ERBB4: variants seen among roughly 807,000 people sequenced by gnomAD.
ERBB4 encodes the protein erb-b2 receptor tyrosine kinase 4.
A neutral mutation model predicts 158.0 loss-of-function variants in ERBB4; 42 were observed. That is an observed-to-expected ratio of 0.27 (90% CI 0.21 to 0.34). The LOEUF (loss-of-function observed/expected upper bound fraction) is 0.34. ERBB4 is among the 10% of genes least tolerant of loss of function. The probability of loss-of-function intolerance (pLI) is 1.00; values close to 1 mark genes in which losing one functional copy is unlikely to be tolerated. For synonymous variants in ERBB4, 583 were observed against 558.7 expected (o/e 1.04, Z -0.61); for missense variants, 1,333 against 1,624.1 (o/e 0.82, Z 3.08).
chr2:212,055,347 C>T (rs1033462594), intron 2 of ERBB4, among the ~76,000 whole-genome samples: 29 of 152,340 alleles, frequency 1.9e-4, no homozygotes, highest in African/African-American at 6.7e-4. Context: ...GGCCTCCGTG[C>T]TTCTGTAGAC....
chr2:212,469,526 T>C (rs1240384701), intron 1 of ERBB4, among the ~76,000 whole-genome samples: 1 of 152,190 alleles, frequency 6.6e-6, no homozygotes, highest in East Asian at 1.9e-4. Context: ...CACTTTTTAG[T>C]GGCTGTTCTA....
intron 1 of ERBB4, among the ~76,000 whole-genome samples, chr2:212,511,799 A>G (rs1259543141): frequency 6.7e-6 from 1 of 149,064 alleles, no homozygotes; most frequent in African/African-American, 2.6e-5. Flanking sequence ...AAAATTAGAG[A>G]TTTAATGTCT....
intron 20 of ERBB4, among the ~76,000 whole-genome samples, chr2:211,477,730 A>T (rs1329787511): frequency 1.3e-5 from 2 of 152,188 alleles, no homozygotes; most frequent in Non-Finnish European, 2.9e-5. Flanking sequence ...AACTCATATC[A>T]GTGAGTAATT....
chr2:212,203,994 CAA>C (rs1387523802), intron 1 of ERBB4, among the ~76,000 whole-genome samples: 6 of 152,076 alleles, frequency 3.9e-5, no homozygotes, highest in African/African-American at 1.4e-4. Context: ...TTTGATTTGT[CAA>C]AAGTTAGTCA....
intron 1 of ERBB4, among the ~76,000 whole-genome samples, chr2:212,335,775 G>A (rs1200267168): frequency 6.6e-6 from 1 of 151,984 alleles, no homozygotes; most frequent in Non-Finnish European, 1.5e-5. Flanking sequence ...AAAGGCTATA[G>A]TGAGAGAGCA....
intron 1 of ERBB4, among the ~76,000 whole-genome samples, chr2:212,233,633 T>A (rs2083743749): frequency 6.6e-6 from 1 of 152,166 alleles, no homozygotes; most frequent in Admixed American, 6.5e-5. Flanking sequence ...CAATTTCTGT[T>A]GACTTCTTTT....
intron 19 of ERBB4, among the ~76,000 whole-genome samples, chr2:211,597,795 A>G (rs2068682730): frequency 1.3e-5 from 2 of 152,192 alleles, no homozygotes; most frequent in Non-Finnish European, 1.5e-5. Flanking sequence ...ATATTACTTA[A>G]AAATGATCAG....
rs12329252 is a variant in ERBB4 at position 211,520,998 on chromosome 2, T to A, written c.2487+40905A>T. ...AGCCATTACCCAATCTTTTCCCATC[T>A]GCTGGGGCCTTCCTATCCCCTGACA... On this transcript the variant is annotated intron_variant, in intron 20 of 27. Transcript: ENST00000342788. Among the ~76,000 whole-genome samples the A allele has an allele frequency of 6.6e-5, 10 of 152,044 alleles. No individual in the cohort carries two copies. The East Asian group carries it at 1.9e-3, about 30-fold the overall frequency.
intron 20 of ERBB4, among the ~76,000 whole-genome samples, chr2:211,549,398 G>T (rs1371811305): frequency 6.6e-6 from 1 of 152,046 alleles, no homozygotes; most frequent in African/African-American, 2.4e-5. Flanking sequence ...CTGGTAGTGG[G>T]ATTGGGTAGG....
intron 2 of ERBB4, among the ~76,000 whole-genome samples, chr2:212,113,611 G>A (rs1185094431): frequency 6.9e-6 from 1 of 145,226 alleles, no homozygotes; most frequent in African/African-American, 2.5e-5. Context: ...AAAGGAATTG[G>A]ACATAAGGGA....
intron 1 of ERBB4, among the ~76,000 whole-genome samples, chr2:212,341,116 A>G (rs2088689325): frequency 6.6e-6 from 1 of 152,052 alleles, no homozygotes; most frequent in Non-Finnish European, 1.5e-5. Flanking sequence ...AAGAGCTGAA[A>G]ATAAATACGA....
At chr2:212,237,330 T>C (rs2083917411) in intron 1 of ERBB4, among the ~76,000 whole-genome samples, 1 of 152,210 alleles carries the variant, frequency 6.6e-6, no homozygotes, top group South Asian at 2.1e-4. Flanking sequence ...TTAACAGTCA[T>C]GCCCCTCTGC....
chr2:212,062,640 C>A (rs2077815373), intron 2 of ERBB4, among the ~76,000 whole-genome samples: 1 of 152,052 alleles, frequency 6.6e-6, no homozygotes, highest in African/African-American at 2.4e-5. Flanking sequence ...CTCCTGATCT[C>A]ATGATCTGCC....
intron 1 of ERBB4, among the ~76,000 whole-genome samples, chr2:212,141,142 A>G (rs144221430): frequency 6.6e-6 from 1 of 152,048 alleles, no homozygotes; most frequent in Non-Finnish European, 1.5e-5. Context: ...AATGCCATAA[A>G]CAAGATGAAA....
intron 20 of ERBB4, among the ~76,000 whole-genome samples, chr2:211,431,668 A>C (rs1369592494): frequency 6.6e-6 from 1 of 152,200 alleles, no homozygotes; most frequent in Non-Finnish European, 1.5e-5. Flanking sequence ...ATACCCTAGC[A>C]GTCTTACAAA....
At chr2:212,471,245 T>A (rs1689102710) in intron 1 of ERBB4, among the ~76,000 whole-genome samples, 1 of 152,050 alleles carries the variant, frequency 6.6e-6, no homozygotes, top group South Asian at 2.1e-4. Context: ...ATGTTCTAAC[T>A]GGTTTTTAGA....
chr2:211,475,842 GTGTATTTGAATTTATC>G (rs1465469737), intron 20 of ERBB4, among the ~76,000 whole-genome samples: 5 of 152,110 alleles, frequency 3.3e-5, no homozygotes, highest in African/African-American at 1.2e-4. Flanking sequence ...AGTAATAAAT[GTGTATTTGAATTTATC>G]TGTAGTAGTA....
At chr2:212,207,470 C>T (rs958468995) in intron 1 of ERBB4, among the ~76,000 whole-genome samples, 1 of 152,124 alleles carries the variant, frequency 6.6e-6, no homozygotes, top group Non-Finnish European at 1.5e-5. Context: ...CCATGTGCTA[C>T]ACAACATATT....
intron 1 of ERBB4, among the ~76,000 whole-genome samples, chr2:212,206,155 C>A (rs1574431308): frequency 6.6e-6 from 1 of 152,050 alleles, no homozygotes; most frequent in African/African-American, 2.4e-5. Flanking sequence ...GGTTACAGAC[C>A]CTCACGCATA....
Sources: allele counts gnomAD v4.1 joint callset (sites outside exome capture counted in the v4.1 genomes callset), GRCh38; gene constraint gnomAD v4.1.1; transcripts MANE v1.5; gene names NCBI Gene and HGNC (gene_info 2026-07-23, HGNC 2026-07-21).